OR2M4: variants seen among roughly 807,000 people sequenced by gnomAD.
OR2M4 encodes olfactory receptor family 2 subfamily M member 4.
In OR2M4, 8 loss-of-function variants were observed where a neutral mutation model predicts 13.7. The ratio of observed to expected loss-of-function variants is 0.58; its 90% CI spans 0.34 to 1.05. OR2M4 has a LOEUF of 1.05. OR2M4 is among the 50% of genes least tolerant of loss of function. OR2M4 has a pLI of 0.02. For missense variants in OR2M4, 374 were observed against 381.6 expected, an observed-to-expected ratio of 0.98 and a Z score of 0.17; for synonymous variants, 152 against 141.3, an observed-to-expected ratio of 1.08 and a Z score of -0.53.
rs1322438706 is a variant in OR2M4 at position 248,241,913 on chromosome 1, T to G, written c.*2049T>G. On this transcript the variant is annotated 3_prime_UTR_variant, in exon 2 of 2. Coordinates refer to ENST00000641868, the MANE Select transcript of OR2M4 (RefSeq NM_017504.2). Reference sequence around the variant, plus strand: ...CTCAGTAAATAAATAAATAAATAATTTCTGTTAAATATAAAAAGTAGTTTT... The same window carrying G: ...CTCAGTAAATAAATAAATAAATAATGTCTGTTAAATATAAAAAGTAGTTTT... 2.6e-5 allele frequency: 4 copies of G among 152,158 alleles called. No homozygotes were observed. Among genetic ancestry groups the G allele is most frequent in the African/African-American group, 9.7e-5 (4 of 41,428 alleles). 9.4% of individuals were successfully genotyped at this position (152,158 alleles called of 1,614,324 possible). A position where few individuals can be genotyped will look rare whatever the true frequency, so the allele number is the denominator to read the frequency against.
intron 1 of OR2M4, among the ~76,000 whole-genome samples, chr1:248,235,791 G>GCT (rs1553299217): frequency 6.6e-6 from 1 of 152,016 alleles, no homozygotes; most frequent in Non-Finnish European, 1.5e-5. Context: ...TCATGAGTTG[G>GCT]CTCTCTGCTT....
At chr1:248,238,843 G>T in intron 1 of OR2M4, 67 bp from the exon 2 acceptor site, 2 of 988,234 alleles carry the variant, frequency 2.0e-6, no homozygotes, top group Non-Finnish European at 3.1e-6. Context: ...GCCCAGTAGA[G>T]TATGTCACAG....
chr1:248,236,479 C>T (rs1204981131), intron 1 of OR2M4, among the ~76,000 whole-genome samples: 1 of 151,902 alleles, frequency 6.6e-6, no homozygotes, highest in East Asian at 1.9e-4. Context: ...CAAATTGACA[C>T]CCTAACATCA....
At position 248,239,511 on chromosome 1, in the gene OR2M4, T is replaced by A. The variant is rs778518619; in HGVS notation, c.583T>A (p.Phe195Ile). 13 of 1,614,130 alleles carry A rather than the reference T, an allele frequency of 8.1e-6. No individual in the cohort carries two copies. In the Admixed American group the frequency reaches 2.2e-4, roughly 27 times the overall value. Residue 195 changes from phenylalanine (F) to isoleucine (I), a missense_variant, in exon 2 of 2, where the codon TTT (phenylalanine) becomes ATT (isoleucine). Coordinates refer to ENST00000641868, the MANE Select transcript of OR2M4 (RefSeq NM_017504.2). Reference protein sequence around the residue: ...LPLSCTETSAFERLLVICCVV... With the variant: ...LPLSCTETSAIERLLVICCVV... ...TCTATCCTGCACAGAAACATCTGCATTTGAAAGACTACTTGTCATTTGTTG... is the reference window on the plus strand; with the variant it reads ...TCTATCCTGCACAGAAACATCTGCAATTGAAAGACTACTTGTCATTTGTTG...
Position 248,244,009 on chromosome 1 carries a change from C to G in OR2M4, c.*4145C>G, listed in dbSNP as rs540373645. 2.6e-5 allele frequency: 4 copies of G among 152,266 alleles called. No individual in the cohort carries two copies. The South Asian group carries it at 8.3e-4, about 32-fold the overall frequency. The allele number at this position is 152,266 out of a possible 1,614,324, so 9.4% of individuals were successfully genotyped here. A position where few individuals can be genotyped will look rare whatever the true frequency, so the allele number is the denominator to read the frequency against. ...ACCTAAATGAGAGACCATCTCACACCAGTCCCGTCAAAATGACCATTAATA... is the reference window on the plus strand; with the variant it reads ...ACCTAAATGAGAGACCATCTCACACGAGTCCCGTCAAAATGACCATTAATA... On this transcript the variant is annotated 3_prime_UTR_variant, in exon 2 of 2. Coordinates refer to ENST00000641868, the MANE Select transcript of OR2M4 (RefSeq NM_017504.2).
chr1:248,236,935 C>A (rs371704624), intron 1 of OR2M4, among the ~76,000 whole-genome samples: 58 of 152,218 alleles, frequency 3.8e-4, no homozygotes, highest in African/African-American at 1.2e-3. Flanking sequence ...GCCTACCAAC[C>A]AAAAAATGCC....
rs546130889 is a variant in OR2M4 at position 248,241,172 on chromosome 1, T to C, written c.*1308T>C. ...GCAGCTGGGGCAACTGAGGTTGTGC[T>C]GGCATCACCCTTGCCTAACCTCAGG... On this transcript the variant is annotated 3_prime_UTR_variant, in exon 2 of 2. Transcript: ENST00000641868. 2 of 152,332 alleles carry C rather than the reference T, an allele frequency of 1.3e-5. No individual in the cohort carries two copies. Among genetic ancestry groups the C allele is most frequent in the South Asian group, 4.2e-4 (2 of 4,812 alleles). 9.4% of individuals were successfully genotyped at this position (152,332 alleles called of 1,614,324 possible). A position where few individuals can be genotyped will look rare whatever the true frequency, so the allele number is the denominator to read the frequency against.
At position 248,242,878 on chromosome 1, in the gene OR2M4, CA is replaced by C. The variant is rs1011644238; in HGVS notation, c.*3018del. On this transcript the variant is annotated 3_prime_UTR_variant, in exon 2 of 2. Transcript: ENST00000641868. ...TTTTAATATGCAATTATGTAAACTG[CA>C]AAATCTACAAGAAACATTTGAAAAC... 3 of 152,036 alleles carry C rather than the reference CA, an allele frequency of 2.0e-5. No homozygotes were observed. The highest frequency in any genetic ancestry group is 7.2e-5 in the African/African-American group (3 of 41,394). The allele number at this position is 152,036 out of a possible 1,614,324, so 9.4% of individuals were successfully genotyped here. A position where few individuals can be genotyped will look rare whatever the true frequency, so the allele number is the denominator to read the frequency against.
At chr1:248,232,531 C>T (rs565388767) in intron 1 of OR2M4, among the ~76,000 whole-genome samples, 1 of 152,202 alleles carries the variant, frequency 6.6e-6, no homozygotes, top group Non-Finnish European at 1.5e-5. Context: ...TTATTTTCCT[C>T]ATATGCCTTC....
Position 248,239,149 on chromosome 1 carries a change from T to C in OR2M4, c.221T>C (p.Ile74Thr). The change falls in exon 2 of 2, where the codon ATC becomes ACC. Residue 74 changes from isoleucine (I) to threonine (T), a missense_variant. By Grantham distance (89) the Ile-to-Thr change is moderately conservative. Coordinates refer to ENST00000641868, the MANE Select transcript of OR2M4 (RefSeq NM_017504.2). Reference protein sequence around the residue: ...SQLSLMDLMLICTTLPKMIFS... With the variant: ...SQLSLMDLMLTCTTLPKMIFS... ...CTGTCCCTTATGGACCTCATGCTCA[T>C]CTGCACCACTCTACCCAAGATGATC... 6.2e-7 allele frequency: 1 copy of C among 1,614,074 alleles called. No homozygotes were observed. Among genetic ancestry groups the C allele is most frequent in the South Asian group, 1.1e-5 (1 of 91,070 alleles).
At position 248,239,283 on chromosome 1, in the gene OR2M4, G is replaced by C. The variant is rs377343989; in HGVS notation, c.355G>C (p.Ala119Pro). The C allele has an allele frequency of 2.0e-5, 33 of 1,613,794 alleles. No homozygotes were observed. The highest frequency in any genetic ancestry group is 2.8e-5 in the Non-Finnish European group (33 of 1,179,936). The change falls in exon 2 of 2, where the codon GCT (alanine) becomes CCT (proline). Residue 119 changes from alanine to proline, a missense_variant. Transcript: ENST00000641868. The part of the protein sequence containing the change: ...GAECFLLAVM[A>P]YDRYVAICHP... Reference sequence around the variant, plus strand: ...TGAATGTTTCTTGTTGGCTGTCATGGCTTATGACCGCTATGTGGCTATATG... The same window carrying C: ...TGAATGTTTCTTGTTGGCTGTCATGCCTTATGACCGCTATGTGGCTATATG...
Position 248,234,120 on chromosome 1 carries a change from T to C in OR2M4, c.-20+2540T>C, listed in dbSNP as rs1012890045. On this transcript the variant is annotated intron_variant, in intron 1 of 1. Transcript: ENST00000641868. ...CACTTCACATCTTTAGTCCACAACA[T>C]AAATTTCCTCTTTGATATTTGCTTA... Among the ~76,000 whole-genome samples the C allele has an allele frequency of 2.6e-5, 4 of 152,282 alleles. No homozygotes were observed. The East Asian group carries it at 7.7e-4, about 29-fold the overall frequency.
Position 248,243,828 on chromosome 1 carries a change from C to T in OR2M4, c.*3964C>T, listed in dbSNP as rs1364785816. ...AAAGGTCTAACATCCAGATTCTATACGGAACTTAAGTCAACAAGCAAAACC... is the reference window on the plus strand; with the variant it reads ...AAAGGTCTAACATCCAGATTCTATATGGAACTTAAGTCAACAAGCAAAACC... On this transcript the variant is annotated 3_prime_UTR_variant, in exon 2 of 2. Coordinates refer to ENST00000641868, the MANE Select transcript of OR2M4 (RefSeq NM_017504.2). The T allele has an allele frequency of 1.3e-5, 2 of 152,120 alleles. No individual in the cohort carries two copies. Among genetic ancestry groups the T allele is most frequent in the Non-Finnish European group, 2.9e-5 (2 of 68,012 alleles). 9.4% of individuals were successfully genotyped at this position (152,120 alleles called of 1,614,324 possible).
At position 248,239,043 on chromosome 1, in the gene OR2M4, T is replaced by C. The variant is rs1340705108; in HGVS notation, c.115T>C (p.Leu39=). ...SLVLGIFSLA[L]MENISMVLLI... ...GGTCCTGGGCATCTTCTCACTGGCA[T>C]TGATGGAAAATATTTCCATGGTTCT... Residue 39 remains leucine, a synonymous_variant, in exon 2 of 2, where the codon TTG becomes CTG. Coordinates refer to ENST00000641868, the MANE Select transcript of OR2M4 (RefSeq NM_017504.2). 6.2e-7 allele frequency: 1 copy of C among 1,613,812 alleles called. No individual in the cohort carries two copies. The highest frequency in any genetic ancestry group is 8.5e-7 in the Non-Finnish European group (1 of 1,179,870).
intron 1 of OR2M4, among the ~76,000 whole-genome samples, chr1:248,237,269 C>A (rs1263541745): frequency 6.6e-6 from 1 of 152,138 alleles, no homozygotes; most frequent in East Asian, 1.9e-4. Flanking sequence ...AAACATAATT[C>A]ATCACATAAA....
At position 248,239,866 on chromosome 1, in the gene OR2M4, C is replaced by T; in HGVS notation, c.*2C>T. On this transcript the variant is annotated 3_prime_UTR_variant, in exon 2 of 2. Transcript: ENST00000641868. ...CTGAAGAAAAGAAAGTTAATATGAC[C>T]TTATCAAAATCTTTTTGAGTGCCTA... 6.4e-7 allele frequency: 1 copy of T among 1,563,952 alleles called. No homozygotes were observed. The highest frequency in any genetic ancestry group is 2.3e-5 in the East Asian group (1 of 44,430).
chr1:248,238,139 T>C (rs1357270876), intron 1 of OR2M4, among the ~76,000 whole-genome samples: 1 of 152,196 alleles, frequency 6.6e-6, no homozygotes, highest in East Asian at 1.9e-4. Context: ...TTTACAACTT[T>C]AATGTATCAA....
chr1:248,242,035 C>A lies in OR2M4; in HGVS notation c.*2171C>A, dbSNP rs1180064353. 1.3e-5 allele frequency: 2 copies of A among 152,104 alleles called. No individual in the cohort carries two copies. 9.4% of individuals were successfully genotyped at this position (152,104 alleles called of 1,614,324 possible). Reference sequence around the variant, plus strand: ...ATACTATGTCCCTATGTGTTTCATTCCACTTTATGATACACACTGGAAATG... The same window carrying A: ...ATACTATGTCCCTATGTGTTTCATTACACTTTATGATACACACTGGAAATG... On this transcript the variant is annotated 3_prime_UTR_variant, in exon 2 of 2. Transcript: ENST00000641868.
chr1:248,238,367 C>A (rs932777761), intron 1 of OR2M4, among the ~76,000 whole-genome samples: 3 of 152,190 alleles, frequency 2.0e-5, no homozygotes, highest in South Asian at 4.1e-4. Flanking sequence ...GAGTACTATA[C>A]CCTTCTCTGA....
Sources: gnomAD v4.1 joint callset for allele counts (sites outside exome capture counted in the v4.1 genomes callset) on GRCh38, gnomAD v4.1.1 for gene constraint, MANE v1.5 for transcripts, NCBI Gene and HGNC (gene_info 2026-07-23, HGNC 2026-07-21) for gene names.